Variants in CASD1 observed in about 807,000 individuals in gnomAD.
CASD1 encodes CAS1 domain sialic acid O acetyltransferase 1, also known as N-acetylneuraminate (7)9-O-acetyltransferase.
Under a neutral mutation model 100.0 loss-of-function variants are expected in CASD1, and 41 were observed. The observed-to-expected ratio is 0.41, with a 90% CI of 0.32 to 0.53. CASD1 has a LOEUF of 0.53. Among genes scored for constraint, CASD1 ranks in the 20% least tolerant of loss-of-function variants. The pLI, the probability that CASD1 is intolerant of heterozygous loss-of-function variation, is 0.25. For synonymous variants in CASD1, 321 were observed against 315.6 expected (o/e 1.02, Z -0.18); for missense variants, 774 against 948.7 (o/e 0.82, Z 2.42).
At chr7:94,562,678 C>G in the CASD1 span, among the ~76,000 whole-genome samples, 1 of 151,778 alleles carries the variant, frequency 6.6e-6, no homozygotes, top group African/African-American at 2.4e-5. Flanking sequence ...TATGCCATTT[C>G]CTTCTCTAAC....
the CASD1 span, among the ~76,000 whole-genome samples, chr7:94,604,858 T>TATATATATATAA: frequency 1.1e-4 from 8 of 75,226 alleles, no homozygotes; most frequent in Non-Finnish European, 2.1e-4. Flanking sequence ...TATATATATA[T>TATATATATATAA]AATAGTTGTT....
At chr7:94,510,974 C>T (rs1793678763) in intron 1 of CASD1, among the ~76,000 whole-genome samples, 1 of 152,230 alleles carries the variant, frequency 6.6e-6, no homozygotes, top group Non-Finnish European at 1.5e-5. Context: ...ACTTTGAAAG[C>T]AGGCCTTGGC....
chr7:94,515,182 A>G, intron 1 of CASD1, among the ~76,000 whole-genome samples: 1 of 152,108 alleles, frequency 6.6e-6, no homozygotes, highest in African/African-American at 2.4e-5. Context: ...AATAACTGGT[A>G]CATTTCCTGT....
chr7:94,585,392 A>C, the CASD1 span: 1 of 984,442 alleles, frequency 1.0e-6, no homozygotes, highest in African/African-American at 1.6e-5. Context: ...GCCAACATGC[A>C]TAACATATGC....
At position 94,552,446 on chromosome 7, in the gene CASD1, G is replaced by T. The variant is rs201284621; in HGVS notation, c.2034+19G>T. 9 of 1,551,378 alleles carry T rather than the reference G, an allele frequency of 5.8e-6. No homozygotes were observed. The highest frequency in any genetic ancestry group is 2.0e-5 in the Admixed American group (1 of 49,126). On this transcript the variant is annotated intron_variant, in intron 16 of 17. Transcript: ENST00000297273. ...GGTACAGGTACTATCTTGATTTAGA[G>T]AAATTTCTACATCTTAATTCTTGAT...
intron 12 of CASD1, among the ~76,000 whole-genome samples, chr7:94,546,340 T>C (rs1227759302): frequency 1.3e-5 from 2 of 151,974 alleles, no homozygotes; most frequent in African/African-American, 2.4e-5. Context: ...TAATGCTTTC[T>C]TCACCCTCAA....
chr7:94,593,023 G>A, the CASD1 span, among the ~76,000 whole-genome samples: 2 of 151,974 alleles, frequency 1.3e-5, no homozygotes, highest in South Asian at 4.1e-4. Context: ...TTAGTCCCCT[G>A]AAACACTGTC....
At chr7:94,616,261 C>G in the CASD1 span, among the ~76,000 whole-genome samples, 1 of 152,142 alleles carries the variant, frequency 6.6e-6, no homozygotes, top group Non-Finnish European at 1.5e-5. Context: ...TGCTGTTTAA[C>G]TGACTATACA....
chr7:94,629,969 A>C, the CASD1 span: 1 of 1,024,944 alleles, frequency 9.8e-7, no homozygotes, highest in Non-Finnish European at 1.5e-6. Flanking sequence ...CTGAAGCAAC[A>C]TGCAAGGAAA....
chr7:94,582,295 T>G, the CASD1 span, among the ~76,000 whole-genome samples: 3 of 152,122 alleles, frequency 2.0e-5, no homozygotes, highest in African/African-American at 7.2e-5. Context: ...TTTTTGTATT[T>G]TTAGTAGAGA....
chr7:94,565,757 C>A, the CASD1 span, among the ~76,000 whole-genome samples: 1 of 152,154 alleles, frequency 6.6e-6, no homozygotes, highest in African/African-American at 2.4e-5. Context: ...CCTCATCTAA[C>A]CATATACATT....
chr7:94,566,300 A>G, the CASD1 span, among the ~76,000 whole-genome samples: 1 of 152,176 alleles, frequency 6.6e-6, no homozygotes, highest in Admixed American at 6.5e-5. Flanking sequence ...TAAGCAAGGA[A>G]AGGAGGGAAA....
chr7:94,541,850 T>C (rs1795420674), intron 10 of CASD1, among the ~76,000 whole-genome samples: 1 of 152,076 alleles, frequency 6.6e-6, no homozygotes, highest in African/African-American at 2.4e-5. Context: ...CCTTTTTTCC[T>C]AAGACATAGG....
At chr7:94,575,904 A>G in the CASD1 span, among the ~76,000 whole-genome samples, 8 of 152,134 alleles carry the variant, frequency 5.3e-5, no homozygotes, top group African/African-American at 1.9e-4. Context: ...GCTGCTTTCA[A>G]GAGGCTTTCT....
the CASD1 span, chr7:94,628,110 T>C: frequency 9.9e-7 from 1 of 1,007,896 alleles, no homozygotes; most frequent in Non-Finnish European, 1.5e-6. Context: ...GTAACTTTAG[T>C]TTCAACACTT....
intron 10 of CASD1, among the ~76,000 whole-genome samples, chr7:94,542,381 A>G (rs1795449078): frequency 6.6e-6 from 1 of 152,204 alleles, no homozygotes. Context: ...CACATTAAAT[A>G]TGATTAATTA....
chr7:94,606,465 T>C, the CASD1 span, among the ~76,000 whole-genome samples: 1 of 152,086 alleles, frequency 6.6e-6, no homozygotes, highest in African/African-American at 2.4e-5. Flanking sequence ...TAACAGTGCA[T>C]CAAATTACAT....
At chr7:94,613,558 AT>A in the CASD1 span, among the ~76,000 whole-genome samples, 2 of 152,144 alleles carry the variant, frequency 1.3e-5, no homozygotes, top group South Asian at 2.1e-4. Context: ...CTTGTGAAGA[AT>A]TTTTTTTATC....
Position 94,537,992 on chromosome 7 carries a change from A to G in CASD1, c.1266+98A>G, listed in dbSNP as rs998929383. ...ATCATTTATCATGACAAAATACACA[A>G]ACAGGTATAGAGATGAAGATGAAGG... On this transcript the variant is annotated intron_variant, in intron 9 of 17. Coordinates refer to ENST00000297273, the MANE Select transcript of CASD1 (RefSeq NM_022900.5). The G allele has an allele frequency of 2.8e-5, 20 of 717,218 alleles. No homozygotes were observed. The Admixed American group carries it at 2.9e-4, about 10-fold the overall frequency. The allele number at this position is 717,218 out of a possible 1,614,324, so 44.4% of individuals were successfully genotyped here.
Sources: allele counts gnomAD v4.1 joint callset (sites outside exome capture counted in the v4.1 genomes callset), GRCh38; gene constraint gnomAD v4.1.1; transcripts MANE v1.5; gene names NCBI Gene and HGNC (gene_info 2026-07-23, HGNC 2026-07-21).